The following MIS18BP1 variants were observed in gnomAD, a reference collection of about 807,000 sequenced individuals.
MIS18BP1 encodes MIS18 binding protein 1.
Under a neutral mutation model 116.1 loss-of-function variants are expected in MIS18BP1, and 72 were observed. That is an observed-to-expected ratio of 0.62 (90% CI 0.51 to 0.75). The LOEUF (loss-of-function observed/expected upper bound fraction) is 0.75. MIS18BP1 is among the 30% of genes least tolerant of loss of function. MIS18BP1 has a pLI of 0.00. For missense variants in MIS18BP1, 1,363 were observed against 1,303.2 expected (o/e 1.05, Z -0.71); for synonymous variants, 386 against 427.0 (o/e 0.90, Z 1.18).
chr14:45,241,935 C>T (rs1398679508), intron 4 of MIS18BP1, 99 bp downstream of exon 4: 25 of 1,315,406 alleles, frequency 1.9e-5, no homozygotes, highest in Non-Finnish European at 2.6e-5. Context: ...AGGTTCAAAT[C>T]CTAGCTAGAA....
At chr14:45,246,237 AGGCCCTTATATTATCT>A (rs1187584768) in intron 2 of MIS18BP1, among the ~76,000 whole-genome samples, 1 of 152,148 alleles carries the variant, frequency 6.6e-6, no homozygotes, top group Non-Finnish European at 1.5e-5. Flanking sequence ...TTTACCTACA[AGGCCCTTATATTATCT>A]GACCCACTCT....
In MIS18BP1 at chr14:45,242,464, T is replaced by C; in HGVS notation, c.713A>G (p.Asn238Ser). Reference sequence around the variant, plus strand: ...CAACTGAGCTCTAGTTAATGTCTTGTTTCGGGCTTCTACAGCCAAAAAATT... The same window carrying C: ...CAACTGAGCTCTAGTTAATGTCTTGCTTCGGGCTTCTACAGCCAAAAAATT... ...QENFLAVEAR[N>S]KTLTRAQLAK... Residue 238 changes from asparagine (N) to serine (S), a missense_variant, in exon 4 of 17, where the codon AAC becomes AGC. By Grantham distance (46) the Asn-to-Ser change is conservative. Transcript: ENST00000310806. 1 of 1,608,356 alleles carries C rather than the reference T, an allele frequency of 6.2e-7. No individual in the cohort carries two copies. The highest frequency in any genetic ancestry group is 1.1e-5 in the South Asian group (1 of 89,460).
intron 16 of MIS18BP1, 46 bp from the exon 17 acceptor site, chr14:45,204,258 C>G (rs1890448696): frequency 6.4e-7 from 1 of 1,554,676 alleles, no homozygotes; most frequent in Non-Finnish European, 8.7e-7. Flanking sequence ...TCTAAAAGTA[C>G]TTTCAATAAA....
In MIS18BP1 at chr14:45,245,986, A is replaced by G. The variant is rs930269672; in HGVS notation, c.544+757T>C. Reference sequence around the variant, plus strand: ...CTGTCCTAGAGTCCAGCCATTTACCATCTGCACATTTACTATCTGCACTAC... The same window carrying G: ...CTGTCCTAGAGTCCAGCCATTTACCGTCTGCACATTTACTATCTGCACTAC... On this transcript the variant is annotated intron_variant, in intron 2 of 16. Coordinates refer to ENST00000310806, the MANE Select transcript of MIS18BP1 (RefSeq NM_018353.5). 1.1e-4 allele frequency among the ~76,000 whole-genome samples: 16 copies of G among 152,306 alleles called. No homozygotes were observed. In the East Asian group the frequency reaches 2.7e-3, roughly 26 times the overall value.
intron 2 of MIS18BP1, among the ~76,000 whole-genome samples, chr14:45,244,208 G>A (rs2139242042): frequency 6.6e-6 from 1 of 152,188 alleles, no homozygotes; most frequent in African/African-American, 2.4e-5. Context: ...GAGACATAGA[G>A]CAAGCGGACT....
At chr14:45,229,692 T>C (rs868247530) in intron 8 of MIS18BP1, among the ~76,000 whole-genome samples, 66 of 152,188 alleles carry the variant, frequency 4.3e-4, no homozygotes, top group African/African-American at 1.5e-3. Context: ...TGAAATGGGG[T>C]ACAGGAAGAG....
intron 4 of MIS18BP1, 159 bp downstream of exon 4, chr14:45,241,875 A>C: frequency 2.6e-6 from 2 of 762,656 alleles, no homozygotes. Flanking sequence ...CTGTCACTGC[A>C]GTAAATAATA....
chr14:45,234,413 G>C (rs1467978039), intron 6 of MIS18BP1, among the ~76,000 whole-genome samples: 1 of 152,000 alleles, frequency 6.6e-6, no homozygotes, highest in African/African-American at 2.4e-5. Flanking sequence ...GAGAAAATGA[G>C]AGCTAGTGTA....
intron 14 of MIS18BP1, among the ~76,000 whole-genome samples, chr14:45,206,809 ACTT>A (rs982413555): frequency 3.3e-5 from 5 of 152,072 alleles, no homozygotes; most frequent in African/African-American, 9.6e-5. Context: ...TCCCACTGAG[ACTT>A]CTTCTCCTTG....
At chr14:45,219,795 C>T (rs956581089) in intron 11 of MIS18BP1, among the ~76,000 whole-genome samples, 2 of 152,314 alleles carry the variant, frequency 1.3e-5, no homozygotes, top group African/African-American at 4.8e-5. Context: ...TCAAGCTTCT[C>T]TATTTGTGTG....
Position 45,235,867 on chromosome 14 carries a change from C to G in MIS18BP1, c.1295G>C (p.Gly432Ala). Residue 432 changes from glycine to alanine, a missense_variant, in exon 6 of 17, where the codon GGC becomes GCC. By Grantham distance (60) the Gly-to-Ala change is moderately conservative (BLOSUM62 0). Transcript: ENST00000310806. ...CATGCCTTTTAATATATAAACGTTG[C>G]CTGATATAGTCCTAAGTTTGTTGTG... ...IEHNKLRTIS[G>A]NVYILKGMID... is the part of the protein sequence containing the mutation. 1.2e-6 allele frequency: 2 copies of G among 1,611,018 alleles called. No individual in the cohort carries two copies. Among genetic ancestry groups the G allele is most frequent in the Non-Finnish European group, 1.7e-6 (2 of 1,178,176 alleles).
chr14:45,229,167 C>G (rs1411005323), intron 8 of MIS18BP1, among the ~76,000 whole-genome samples: 1 of 152,098 alleles, frequency 6.6e-6, no homozygotes, highest in African/African-American at 2.4e-5. Context: ...TTATTCATCT[C>G]TAAGTTCCTA....
intron 3 of MIS18BP1, 92 bp downstream of exon 3, chr14:45,242,669 A>T: frequency 1.4e-6 from 2 of 1,453,772 alleles, no homozygotes; most frequent in East Asian, 4.6e-5. Flanking sequence ...GTCCACAGCT[A>T]AAGTTTAATG....
At chr14:45,215,953 C>G (rs944493758) in intron 13 of MIS18BP1, among the ~76,000 whole-genome samples, 1 of 152,154 alleles carries the variant, frequency 6.6e-6, no homozygotes, top group African/African-American at 2.4e-5. Context: ...ATCTGCCCGC[C>G]TCGGCCTCCC....
intron 13 of MIS18BP1, among the ~76,000 whole-genome samples, chr14:45,216,562 T>C (rs1276044062): frequency 6.6e-6 from 1 of 152,180 alleles, no homozygotes; most frequent in Non-Finnish European, 1.5e-5. Context: ...TACTACTAGC[T>C]TGGTTGTATT....
intron 6 of MIS18BP1, among the ~76,000 whole-genome samples, chr14:45,234,854 G>A (rs1891379728): frequency 6.6e-6 from 1 of 152,198 alleles, no homozygotes; most frequent in South Asian, 2.1e-4. Flanking sequence ...AGAGGAATCA[G>A]GGAGTTAAAT....
At chr14:45,211,458 A>AC (rs952086364) in intron 13 of MIS18BP1, among the ~76,000 whole-genome samples, 2 of 151,654 alleles carry the variant, frequency 1.3e-5, no homozygotes, top group Non-Finnish European at 2.9e-5. Flanking sequence ...ACACCTCCTA[A>AC]CCCCCTCCTC....
At chr14:45,219,767 C>G (rs1238217807) in intron 11 of MIS18BP1, among the ~76,000 whole-genome samples, 1 of 152,178 alleles carries the variant, frequency 6.6e-6, no homozygotes, top group Admixed American at 6.5e-5. Context: ...AAGTGAACAA[C>G]TAGAAGGACT....
chr14:45,222,093 T>C (rs955195597), intron 11 of MIS18BP1, among the ~76,000 whole-genome samples: 6 of 152,362 alleles, frequency 3.9e-5, no homozygotes, highest in Non-Finnish European at 8.8e-5. Flanking sequence ...GTTTAGACGG[T>C]ATTTTTCTAT....
Sources: allele counts gnomAD v4.1 joint callset (sites outside exome capture counted in the v4.1 genomes callset), GRCh38; gene constraint gnomAD v4.1.1; transcripts MANE v1.5; gene names NCBI Gene and HGNC (gene_info 2026-07-23, HGNC 2026-07-21).